Variants in GALNT15 observed in about 807,000 individuals in gnomAD.
GALNT15 encodes polypeptide N-acetylgalactosaminyltransferase 15.
In GALNT15, 67 loss-of-function variants were observed where a neutral mutation model predicts 66.8. That is an observed-to-expected ratio of 1.00 (90% CI 0.82 to 1.23). The LOEUF is 1.23. Among genes scored for constraint, GALNT15 ranks in the 50% most tolerant of loss-of-function variants. The probability of loss-of-function intolerance (pLI) is 0.00; values close to 1 mark genes in which losing one functional copy is unlikely to be tolerated. For synonymous variants in GALNT15, 313 were observed against 311.5 expected (o/e 1.00, Z -0.05); for missense variants, 827 against 804.3 (o/e 1.03, Z -0.34).
Position 16,175,484 on chromosome 3 carries a change from C to T in GALNT15, c.333C>T (p.Gly111=). ...AGGCCAGAAGGAACCAGAGCCAGGG[C>T]AGGAGAGGTGGGAGCTACCGCCTCA... ...LPQARRNQSQ[G]RRGGSYRLIK... The change falls in exon 1 of 10, where the codon GGC becomes GGT. Residue 111 remains glycine (G), a synonymous_variant. Transcript: ENST00000339732. The surrounding 1 kb of genome is among the most constrained non-coding windows in gnomAD (Gnocchi z 5.6). 6.2e-7 allele frequency: 1 copy of T among 1,613,922 alleles called. No homozygotes were observed. Among genetic ancestry groups the T allele is most frequent in the Non-Finnish European group, 8.5e-7 (1 of 1,179,864 alleles).
rs750478886 is a variant in GALNT15 at position 16,175,334 on chromosome 3, T to C, written c.183T>C (p.Phe61=). 6.2e-7 allele frequency: 1 copy of C among 1,614,168 alleles called. No homozygotes were observed. The highest frequency in any genetic ancestry group is 1.1e-5 in the South Asian group (1 of 91,078). ...CTGAAGCCAGGTACCGCCTGGACTT[T>C]GGGGAATCCCAGGATTGGGTACTGG... ...HSPEARYRLD[F]GESQDWVLEA... is the part of the protein sequence containing the mutation. The change falls in exon 1 of 10, where the codon TTT becomes TTC. Residue 61 remains phenylalanine, a synonymous_variant. Transcript: ENST00000339732. This position sits in a 1 kb window ranked among gnomAD's most constrained non-coding sequence, Gnocchi z 5.6.
At chr3:16,241,582 T>C in the GALNT15 span, among the ~76,000 whole-genome samples, 10 of 152,158 alleles carry the variant, frequency 6.6e-5, no homozygotes, top group Non-Finnish European at 1.5e-4. The surrounding 1 kb of genome is among the most constrained non-coding windows in gnomAD (Gnocchi z 4.6). Context: ...GGAGTCTCAT[T>C]CTGTTGCCCA....
chr3:16,237,439 C>T, the GALNT15 span, among the ~76,000 whole-genome samples: 2 of 152,198 alleles, frequency 1.3e-5, no homozygotes, highest in Non-Finnish European at 2.9e-5. This position sits in a 1 kb window ranked among gnomAD's most constrained non-coding sequence, Gnocchi z 4.2. Context: ...TGGCCTGAGG[C>T]ACCTCACCCT....
At chr3:16,199,429 C>T (rs1407932437) in intron 2 of GALNT15, among the ~76,000 whole-genome samples, 2 of 142,092 alleles carry the variant, frequency 1.4e-5, no homozygotes, top group Admixed American at 1.4e-4. Flanking sequence ...CTATCAACTG[C>T]AATGAGATCT....
At position 16,200,691 on chromosome 3, in the gene GALNT15, GGCTGGGTGCCATCAGGGCCCGGAT is replaced by G. The variant is rs2063690740; in HGVS notation, c.786_809del (p.Ile264_Ala271del). On this transcript the variant is annotated inframe_deletion, in exon 3 of 10. Coordinates refer to ENST00000339732, the MANE Select transcript of GALNT15 (RefSeq NM_054110.5). The surrounding 1 kb of genome is among the most constrained non-coding windows in gnomAD (Gnocchi z 4.4). Reference sequence around the variant, plus strand: ...GTGAAGTTACTCAGGAGCAACAAGAGGCTGGGTGCCATCAGGGCCCGGATGCTGGGGGCCACCAGAGCCACCGGG... The same window carrying G: ...GTGAAGTTACTCAGGAGCAACAAGAGGCTGGGGGCCACCAGAGCCACCGGG... 1 of 1,610,366 alleles carries G rather than the reference GGCTGGGTGCCATCAGGGCCCGGAT, an allele frequency of 6.2e-7. No homozygotes were observed. Among genetic ancestry groups the G allele is most frequent in the African/African-American group, 1.3e-5 (1 of 74,732 alleles).
chr3:16,242,807 C>A, the GALNT15 span, among the ~76,000 whole-genome samples: 1 of 151,892 alleles, frequency 6.6e-6, no homozygotes, highest in Admixed American at 6.6e-5. The surrounding 1 kb of genome is among the most constrained non-coding windows in gnomAD (Gnocchi z 5.6). Flanking sequence ...AAAGAAAATT[C>A]TGTAAGAAGG....
At chr3:16,196,308 C>T (rs533853866) in intron 2 of GALNT15, among the ~76,000 whole-genome samples, 7 of 152,298 alleles carry the variant, frequency 4.6e-5, no homozygotes, top group African/African-American at 9.6e-5. Flanking sequence ...CTCCTAGACC[C>T]TGGTGCAGCA....
chr3:16,227,400 T>C lies in GALNT15; in HGVS notation c.1820T>C (p.Val607Ala), dbSNP rs2064033016. ...HILSGKCMEA[V>A]VQENNKDLYL... is the part of the protein sequence containing the mutation. ...CTTTCTGGGAAATGCATGGAAGCTGTGGTGCAAGAAAACAATAAAGATTTG... is the reference window on the plus strand; with the variant it reads ...CTTTCTGGGAAATGCATGGAAGCTGCGGTGCAAGAAAACAATAAAGATTTG... Residue 607 changes from valine to alanine, a missense_variant, in exon 10 of 10, where the codon GTG (valine) becomes GCG (alanine). Coordinates refer to ENST00000339732, the MANE Select transcript of GALNT15 (RefSeq NM_054110.5). This position sits in a 1 kb window ranked among gnomAD's most constrained non-coding sequence, Gnocchi z 4.5. 1 of 1,613,958 alleles carries C rather than the reference T, an allele frequency of 6.2e-7. No homozygotes were observed. The highest frequency in any genetic ancestry group is 8.5e-7 in the Non-Finnish European group (1 of 1,179,982).
chr3:16,175,578 G>T lies in GALNT15; in HGVS notation c.427G>T (p.Val143Leu). Residue 143 changes from valine to leucine, a missense_variant, in exon 1 of 10, where the codon GTG (valine) becomes TTG (leucine). Transcript: ENST00000339732. The surrounding 1 kb of genome is among the most constrained non-coding windows in gnomAD (Gnocchi z 5.6). ...RDWGADEDGE[V>L]SEEEELTPFS... ...CTGGGGGGCTGATGAGGACGGGGAG[G>T]TGTCTGAAGAAGAGGAGTTGACCCC... The T allele has an allele frequency of 1.2e-6, 2 of 1,613,844 alleles. No homozygotes were observed. The highest frequency in any genetic ancestry group is 1.7e-6 in the Non-Finnish European group (2 of 1,179,998).
In GALNT15 at chr3:16,195,694, T is replaced by A. The variant is rs945124592; in HGVS notation, c.540-66T>A. On this transcript the variant is annotated intron_variant, in intron 1 of 9. Transcript: ENST00000339732. This position sits in a 1 kb window ranked among gnomAD's most constrained non-coding sequence, Gnocchi z 4.6. ...TCCAGCCAGAGCAAAGGAAGCGAGT[T>A]AGAGGGTGTGGAGTGTTTCTTGTGG... 2 of 1,439,940 alleles carry A rather than the reference T, an allele frequency of 1.4e-6. No homozygotes were observed. The highest frequency in any genetic ancestry group is 1.8e-5 in the Admixed American group (1 of 54,420). 89.2% of individuals were successfully genotyped at this position (1,439,940 alleles called of 1,614,324 possible).
Position 16,188,299 on chromosome 3 carries a change from G to A in GALNT15, c.540-7461G>A, listed in dbSNP as rs939192409. Among the ~76,000 whole-genome samples, 1 of 152,230 alleles carries A rather than the reference G, an allele frequency of 6.6e-6. No homozygotes were observed. The highest frequency in any genetic ancestry group is 1.5e-5 in the Non-Finnish European group (1 of 68,054). ...ACAGGAACTCAGTTGGCACAAAATG[G>A]CAGCCATAGGTCGTGTCCCATCACA... is the stretch of plus-strand genomic sequence containing the variant. On this transcript the variant is annotated intron_variant, in intron 1 of 9. Transcript: ENST00000339732. This position sits in a 1 kb window ranked among gnomAD's most constrained non-coding sequence, Gnocchi z 4.6.
In GALNT15 at chr3:16,176,800, C is replaced by G. The variant is rs2063414826; in HGVS notation, c.539+1110C>G. On this transcript the variant is annotated intron_variant, in intron 1 of 9. Coordinates refer to ENST00000339732, the MANE Select transcript of GALNT15 (RefSeq NM_054110.5). The surrounding 1 kb of genome is among the most constrained non-coding windows in gnomAD (Gnocchi z 5.6). ...GGCAGCAGTTGGAAGCAGGGCCACA[C>G]ACTCTTCGGATCCCTGATCTAGTTC... Among the ~76,000 whole-genome samples the G allele has an allele frequency of 6.6e-6, 1 of 152,220 alleles. No individual in the cohort carries two copies. The highest frequency in any genetic ancestry group is 1.5e-5 in the Non-Finnish European group (1 of 68,032).
chr3:16,222,537 T>A, intron 8 of GALNT15, 78 bp from the exon 9 acceptor site: 1 of 1,560,808 alleles, frequency 6.4e-7, no homozygotes. Context: ...AGCTCTATAG[T>A]GGGTTCTTCT....
chr3:16,233,094 C>CTTTTTTGTGTTTTTTTTTTTTTTTTT (rs2064099770), downstream of GALNT15, among the ~76,000 whole-genome samples: 1 of 61,208 alleles, frequency 1.6e-5, no homozygotes, highest in African/African-American at 6.6e-5. Flanking sequence ...GATAATGCAT[C>CTTTTTTGTGTTTTTTTTTTTTTTTTT]TTTTTTTTTT....
At chr3:16,247,508 G>C in the GALNT15 span, among the ~76,000 whole-genome samples, 2,278 of 152,322 alleles carry the variant, frequency 0.015, 28 homozygotes, top group Non-Finnish European at 0.022. Context: ...ACTAAAACAG[G>C]AACCAGGTCA....
chr3:16,232,455 T>TAAATAAATAAATA (rs2064090682), downstream of GALNT15, among the ~76,000 whole-genome samples: 1 of 43,820 alleles, frequency 2.3e-5, no homozygotes, highest in African/African-American at 7.7e-5. Flanking sequence ...GGCCTCAAAA[T>TAAATAAATAAATA]AAATAAATAA....
rs920885701 is a variant in GALNT15, at chr3:16,195,151, A to G, written c.540-609A>G. 3.9e-5 allele frequency among the ~76,000 whole-genome samples: 6 copies of G among 152,170 alleles called. No individual in the cohort carries two copies. Among genetic ancestry groups the G allele is most frequent in the African/African-American group, 1.2e-4 (5 of 41,432 alleles). ...CGCATCATCCTATCCAAGCCTCACC[A>G]CAGCCTCGGGGAGTCCTGATCTTCC... On this transcript the variant is annotated intron_variant, in intron 1 of 9. Transcript: ENST00000339732. This position sits in a 1 kb window ranked among gnomAD's most constrained non-coding sequence, Gnocchi z 4.6.
rs1182610215 is a variant in GALNT15, at chr3:16,220,309, G to T, written c.1629+295G>T. Reference sequence around the variant, plus strand: ...GACAGATGAGAAAACTGAGGCTTAGGGTCACTAGCCCAGGGATTGCAAACT... The same window carrying T: ...GACAGATGAGAAAACTGAGGCTTAGTGTCACTAGCCCAGGGATTGCAAACT... On this transcript the variant is annotated intron_variant, in intron 8 of 9. Coordinates refer to ENST00000339732, the MANE Select transcript of GALNT15 (RefSeq NM_054110.5). 1.3e-5 allele frequency: 5 copies of T among 395,440 alleles called. No individual in the cohort carries two copies. The Admixed American group carries it at 1.8e-4, about 14-fold the overall frequency. The allele number at this position is 395,440 out of a possible 1,614,324, so 24.5% of individuals were successfully genotyped here. A position where few individuals can be genotyped will look rare whatever the true frequency, so the allele number is the denominator to read the frequency against.
chr3:16,227,608 C>T lies in GALNT15; in HGVS notation c.*108C>T, dbSNP rs2064036994. The T allele has an allele frequency of 3.1e-6, 5 of 1,589,422 alleles. No homozygotes were observed. In the East Asian group the frequency reaches 1.1e-4, roughly 36 times the overall value. On this transcript the variant is annotated 3_prime_UTR_variant, in exon 10 of 10. Transcript: ENST00000339732. This position sits in a 1 kb window ranked among gnomAD's most constrained non-coding sequence, Gnocchi z 4.5. Reference sequence around the variant, plus strand: ...AGCTGATCCTTTTGTGTGTGTGCTCCTGGTGTTAGGAGAGAAAAAAGCTCT... The same window carrying T: ...AGCTGATCCTTTTGTGTGTGTGCTCTTGGTGTTAGGAGAGAAAAAAGCTCT...
Sources: gnomAD v4.1 joint callset for allele counts (sites outside exome capture counted in the v4.1 genomes callset) on GRCh38, gnomAD v4.1.1 for gene constraint, Gnocchi (gnomAD v3.1) non-coding constraint, MANE v1.5 for transcripts, NCBI Gene and HGNC (gene_info 2026-07-23, HGNC 2026-07-21) for gene names.